SLC35F4: variants seen among roughly 807,000 people sequenced by gnomAD.
The protein encoded by SLC35F4 is chromosome 14 open reading frame 36.
Under a neutral mutation model 44.2 loss-of-function variants are expected in SLC35F4, and 24 were observed. The observed-to-expected ratio is 0.54, with a 90% CI of 0.39 to 0.76. The LOEUF is 0.76. Ranked by LOEUF, SLC35F4 falls within the 30% of genes least tolerant of loss-of-function variation. The pLI is 0.00. For synonymous variants in SLC35F4, 238 were observed against 223.6 expected, an observed-to-expected ratio of 1.06 and a Z score of -0.57; for missense variants, 562 against 586.1, an observed-to-expected ratio of 0.96 and a Z score of 0.42.
intron 1 of SLC35F4, among the ~76,000 whole-genome samples, chr14:57,670,675 T>C (rs1019304901): frequency 6.6e-6 from 1 of 152,002 alleles, no homozygotes; most frequent in Admixed American, 6.6e-5. Context: ...TCTAGTTTGA[T>C]TGCACTGTGG....
chr14:57,736,680 T>C (rs564884319), intron 1 of SLC35F4, among the ~76,000 whole-genome samples: 2 of 152,326 alleles, frequency 1.3e-5, no homozygotes, highest in African/African-American at 4.8e-5. Context: ...AGTTATTATC[T>C]GACCATGAAC....
chr14:57,635,177 T>C (rs1196802712), intron 1 of SLC35F4, among the ~76,000 whole-genome samples: 4 of 151,332 alleles, frequency 2.6e-5, no homozygotes, highest in Non-Finnish European at 5.9e-5. Context: ...GCTCAGAAGT[T>C]TGAGGCTGCA....
chr14:57,695,269 C>T (rs1025187029), intron 1 of SLC35F4, among the ~76,000 whole-genome samples: 7 of 152,008 alleles, frequency 4.6e-5, no homozygotes, highest in African/African-American at 7.2e-5. Flanking sequence ...GCAACCTACT[C>T]ATCTGACAAA....
chr14:57,634,666 A>AT (rs929152917), intron 1 of SLC35F4, among the ~76,000 whole-genome samples: 2 of 151,950 alleles, frequency 1.3e-5, no homozygotes, highest in Admixed American at 1.3e-4. Context: ...TGAGATTTGG[A>AT]TTTTTTTTCC....
intron 1 of SLC35F4, among the ~76,000 whole-genome samples, chr14:57,858,781 C>A (rs1409625400): frequency 2.0e-5 from 3 of 150,522 alleles, no homozygotes; most frequent in African/African-American, 7.5e-5. Context: ...GTGCGAAGAT[C>A]ATATGGGATA....
intron 1 of SLC35F4, among the ~76,000 whole-genome samples, chr14:57,932,506 G>T (rs1889716386): frequency 6.6e-6 from 1 of 152,178 alleles, no homozygotes; most frequent in African/African-American, 2.4e-5. Context: ...GAGGTGATAT[G>T]AATCATTCAC....
chr14:57,880,886 T>C (rs764446199), intron 1 of SLC35F4, among the ~76,000 whole-genome samples: 17 of 152,238 alleles, frequency 1.1e-4, no homozygotes, highest in Admixed American at 3.3e-4. Context: ...GATGAATAAA[T>C]TGGATTTCTA....
At chr14:57,638,020 C>T (rs145311501) in intron 1 of SLC35F4, among the ~76,000 whole-genome samples, 1 of 152,138 alleles carries the variant, frequency 6.6e-6, no homozygotes, top group African/African-American at 2.4e-5. Context: ...GACCTACGGT[C>T]ATACCAGGCA....
chr14:57,846,453 GA>G (rs1886030684), intron 1 of SLC35F4, among the ~76,000 whole-genome samples: 1 of 152,144 alleles, frequency 6.6e-6, no homozygotes, highest in South Asian at 2.1e-4. Context: ...GCCCCTGAAT[GA>G]AATAACAGTC....
At chr14:57,792,067 C>A (rs903028840) in intron 1 of SLC35F4, among the ~76,000 whole-genome samples, 10 of 151,820 alleles carry the variant, frequency 6.6e-5, no homozygotes, top group Non-Finnish European at 1.5e-4. Context: ...ACCTATGTAA[C>A]AAACCTGCAC....
chr14:57,961,833 C>T (rs1890344723), intron 1 of SLC35F4, among the ~76,000 whole-genome samples: 2 of 152,184 alleles, frequency 1.3e-5, no homozygotes, highest in Non-Finnish European at 2.9e-5. Context: ...CAACTGACGA[C>T]TTTAAGCCCT....
At chr14:57,752,606 G>A (rs1357127659) in intron 1 of SLC35F4, among the ~76,000 whole-genome samples, 5 of 151,894 alleles carry the variant, frequency 3.3e-5, no homozygotes, top group South Asian at 2.1e-4. Flanking sequence ...GACTACAGGC[G>A]CACACTACCA....
intron 1 of SLC35F4, among the ~76,000 whole-genome samples, chr14:57,610,424 C>T (rs764367394): frequency 4.6e-5 from 7 of 152,158 alleles, no homozygotes; most frequent in Admixed American, 2.0e-4. Flanking sequence ...CTGCTGACTG[C>T]GCGGGGTCTG....
Position 57,681,672 on chromosome 14 carries a change from G to A in SLC35F4, c.104-87548C>T, listed in dbSNP as rs561540359. On this transcript the variant is annotated intron_variant, in intron 1 of 7. Coordinates refer to ENST00000556826, the MANE Select transcript of SLC35F4 (RefSeq NM_001306087.2). ...ACAAATGGGATCTGATTAAACTAAAGAGTTTCTGTAGGACAAAAGTATCAT... is the reference window on the plus strand; with the variant it reads ...ACAAATGGGATCTGATTAAACTAAAAAGTTTCTGTAGGACAAAAGTATCAT... 2.6e-5 allele frequency among the ~76,000 whole-genome samples: 4 copies of A among 152,170 alleles called. No individual in the cohort carries two copies. In the East Asian group the frequency reaches 7.7e-4, roughly 29 times the overall value.
intron 1 of SLC35F4, among the ~76,000 whole-genome samples, chr14:57,767,378 C>T (rs1268220048): frequency 6.6e-6 from 1 of 152,036 alleles, no homozygotes; most frequent in Non-Finnish European, 1.5e-5. Flanking sequence ...TCTGATCAAA[C>T]TAGAAATGAG....
chr14:57,663,578 G>A (rs1340209729), intron 1 of SLC35F4, among the ~76,000 whole-genome samples: 1 of 152,186 alleles, frequency 6.6e-6, no homozygotes, highest in African/African-American at 2.4e-5. Flanking sequence ...CCAGCATGAA[G>A]TTGCACACAT....
Position 57,738,504 on chromosome 14 carries a change from G to C in SLC35F4, c.103+127219C>G, listed in dbSNP as rs530301703. On this transcript the variant is annotated intron_variant, in intron 1 of 7. Coordinates refer to ENST00000556826, the MANE Select transcript of SLC35F4 (RefSeq NM_001306087.2). The stretch of plus-strand genomic sequence containing the variant: ...CTCAGGGTCTGACTCTGCCTAGCTG[G>C]TTCCTGCCACATACTGTTCTGGCTT... 2.0e-5 allele frequency among the ~76,000 whole-genome samples: 3 copies of C among 151,966 alleles called. No individual in the cohort carries two copies. The East Asian group carries it at 5.8e-4, about 29-fold the overall frequency.
At chr14:57,949,722 A>C (rs1303824329) in intron 1 of SLC35F4, among the ~76,000 whole-genome samples, 4 of 152,268 alleles carry the variant, frequency 2.6e-5, no homozygotes, top group Admixed American at 1.3e-4. Context: ...CTAGTTCTCT[A>C]GTGGTGAATT....
At chr14:57,929,374 TGGGAAAA>T in intron 1 of SLC35F4, among the ~76,000 whole-genome samples, 1 of 152,240 alleles carries the variant, frequency 6.6e-6, no homozygotes, top group East Asian at 1.9e-4. Flanking sequence ...AAGAAATGTT[TGGGAAAA>T]CCCAAACATT....
Sources: allele counts gnomAD v4.1 joint callset (sites outside exome capture counted in the v4.1 genomes callset), GRCh38; gene constraint gnomAD v4.1.1; transcripts MANE v1.5; gene names NCBI Gene and HGNC (gene_info 2026-07-23, HGNC 2026-07-21).